The following ZSWIM5 variants were observed in gnomAD, a reference collection of about 807,000 sequenced individuals.
The protein encoded by ZSWIM5 is zinc finger SWIM domain-containing protein 5.
In ZSWIM5, 55 loss-of-function variants were observed where a neutral mutation model predicts 119.6. That is an observed-to-expected ratio of 0.46 (90% CI 0.37 to 0.58). ZSWIM5 has a LOEUF of 0.58. Among genes scored for constraint, ZSWIM5 ranks in the 20% least tolerant of loss-of-function variants. The pLI is 0.00. For synonymous variants in ZSWIM5, 537 were observed against 606.9 expected (o/e 0.88, Z 1.69); for missense variants, 1,193 against 1,512.8 (o/e 0.79, Z 3.51).
intron 2 of ZSWIM5, among the ~76,000 whole-genome samples, chr1:45,084,934 G>A (rs1367597289): frequency 6.6e-6 from 1 of 152,232 alleles, no homozygotes; most frequent in Non-Finnish European, 1.5e-5. Context: ...CCAGTAGGCA[G>A]TGCTCCAGTG....
rs1009888729 is a variant in ZSWIM5 at position 45,047,192 on chromosome 1, G to C, written c.1433-3797C>G. On this transcript the variant is annotated intron_variant, in intron 5 of 13. Transcript: ENST00000359600. ...TGGAAGTCAAATGACAAAGTTTCAA[G>C]GAGAGTGTGACTAATGTGTCAAATA... Among the ~76,000 whole-genome samples the C allele has an allele frequency of 3.9e-5, 6 of 152,116 alleles. 1 individual carries two copies. Among genetic ancestry groups the C allele is most frequent in the African/African-American group, 1.4e-4 (6 of 41,410 alleles).
chr1:45,174,309 C>T (rs910776325), intron 1 of ZSWIM5, among the ~76,000 whole-genome samples: 20 of 151,980 alleles, frequency 1.3e-4, no homozygotes, highest in Admixed American at 2.6e-4. Context: ...AAAACTAAAA[C>T]ATTCAAAAGT....
At chr1:45,191,154 C>G (rs893228237) in intron 1 of ZSWIM5, among the ~76,000 whole-genome samples, 9 of 150,780 alleles carry the variant, frequency 6.0e-5, no homozygotes, top group African/African-American at 2.2e-4. Context: ...TCCGCCCGCT[C>G]CTTATCCTGA....
At chr1:45,062,376 T>G (rs967125751) in intron 2 of ZSWIM5, among the ~76,000 whole-genome samples, 1 of 152,234 alleles carries the variant, frequency 6.6e-6, no homozygotes, top group Non-Finnish European at 1.5e-5. Flanking sequence ...TATATCTTAT[T>G]CTCTAGGGAA....
chr1:45,140,397 T>C (rs1434249510), intron 1 of ZSWIM5, among the ~76,000 whole-genome samples: 1 of 152,228 alleles, frequency 6.6e-6, no homozygotes, highest in East Asian at 1.9e-4. Context: ...TGCTGACCTC[T>C]GGTATATACT....
intron 1 of ZSWIM5, among the ~76,000 whole-genome samples, chr1:45,101,681 C>T (rs908208619): frequency 5.9e-5 from 9 of 152,172 alleles, no homozygotes; most frequent in Non-Finnish European, 1.0e-4. Context: ...GAAAATGTGA[C>T]ACATATACAC....
intron 1 of ZSWIM5, among the ~76,000 whole-genome samples, chr1:45,129,241 C>T (rs1645640422): frequency 6.8e-6 from 1 of 146,350 alleles, no homozygotes; most frequent in African/African-American, 2.5e-5. Context: ...TCACTGCAAG[C>T]TCTGCCTCCT....
In ZSWIM5 at chr1:45,087,929, G is replaced by A. The variant is rs1325119619; in HGVS notation, c.904C>T (p.Leu302=). The A allele has an allele frequency of 1.2e-6, 2 of 1,613,776 alleles. No individual in the cohort carries two copies. The highest frequency in any genetic ancestry group is 2.2e-5 in the East Asian group (1 of 44,892). The change falls in exon 2 of 14, where the codon CTG becomes TTG. Residue 302 remains leucine, a synonymous_variant. Coordinates refer to ENST00000359600, the MANE Select transcript of ZSWIM5 (RefSeq NM_020883.2). ...TTGGAGGATAGAATCTCATCTGCCAGTTTCTGTGCAGTAGGAAGAACTTCA... is the reference window on the plus strand; with the variant it reads ...TTGGAGGATAGAATCTCATCTGCCAATTTCTGTGCAGTAGGAAGAACTTCA... ...HTEVLPTAQK[L]ADEILSSNSE...
intron 1 of ZSWIM5, among the ~76,000 whole-genome samples, chr1:45,152,910 A>T (rs1218019312): frequency 6.6e-6 from 1 of 151,994 alleles, no homozygotes; most frequent in African/African-American, 2.4e-5. Flanking sequence ...TTCAACAAAC[A>T]AAAAACAAAT....
chr1:45,197,872 G>A (rs1646135382), intron 1 of ZSWIM5, among the ~76,000 whole-genome samples: 1 of 152,194 alleles, frequency 6.6e-6, no homozygotes, highest in East Asian at 1.9e-4. Flanking sequence ...CAAATTTATG[G>A]TGAAGCTTGG....
chr1:45,110,391 C>G (rs1645509517), intron 1 of ZSWIM5, among the ~76,000 whole-genome samples: 1 of 152,150 alleles, frequency 6.6e-6, no homozygotes, highest in Admixed American at 6.5e-5. Flanking sequence ...CCATCTAATT[C>G]AGGTCTAGAT....
At chr1:45,028,686 A>G (rs1027436512) in intron 11 of ZSWIM5, among the ~76,000 whole-genome samples, 2 of 152,110 alleles carry the variant, frequency 1.3e-5, no homozygotes, top group East Asian at 3.8e-4. Flanking sequence ...AACTCCGGGC[A>G]CAGGGGTTGC....
chr1:45,152,671 C>T (rs983758945), intron 1 of ZSWIM5, among the ~76,000 whole-genome samples: 1 of 151,888 alleles, frequency 6.6e-6, no homozygotes, highest in Non-Finnish European at 1.5e-5. Flanking sequence ...ACCTAGAAAA[C>T]ACCATTCTGG....
intron 1 of ZSWIM5, among the ~76,000 whole-genome samples, chr1:45,202,088 A>G (rs909521645): frequency 2.0e-5 from 3 of 152,134 alleles, no homozygotes; most frequent in African/African-American, 7.2e-5. Flanking sequence ...GCTAAAAAGC[A>G]CACCCGCTTA....
chr1:45,052,600 T>A (rs543357924), intron 4 of ZSWIM5, among the ~76,000 whole-genome samples: 3 of 152,004 alleles, frequency 2.0e-5, no homozygotes, highest in East Asian at 3.9e-4. Context: ...TGAAACCCTG[T>A]CTCTCCCAAA....
Position 45,126,037 on chromosome 1 carries a change from C to T in ZSWIM5, c.596-37800G>A, listed in dbSNP as rs540078166. Reference sequence around the variant, plus strand: ...GAGCCTTGATTGCACCGCTGCACTCCAGCTTGGGTGACAGAGCGAGACCTT... The same window carrying T: ...GAGCCTTGATTGCACCGCTGCACTCTAGCTTGGGTGACAGAGCGAGACCTT... On this transcript the variant is annotated intron_variant, in intron 1 of 13. Transcript: ENST00000359600. Among the ~76,000 whole-genome samples the T allele has an allele frequency of 7.9e-5, 12 of 151,864 alleles. No homozygotes were observed. In the South Asian group the frequency reaches 2.5e-3, roughly 32 times the overall value.
intron 2 of ZSWIM5, among the ~76,000 whole-genome samples, chr1:45,062,045 G>A (rs532558993): frequency 3.3e-5 from 5 of 152,174 alleles, no homozygotes; most frequent in South Asian, 4.1e-4. Flanking sequence ...AGCCGAGATC[G>A]TGCCACTGCA....
At chr1:45,181,304 C>T (rs1285006889) in intron 1 of ZSWIM5, among the ~76,000 whole-genome samples, 1 of 151,798 alleles carries the variant, frequency 6.6e-6, no homozygotes, top group East Asian at 1.9e-4. Flanking sequence ...CCTCAGGAGC[C>T]GATGCGATCA....
rs965814179 is a variant in ZSWIM5 at position 45,022,146 on chromosome 1, T to G, written c.2450-1358A>C. 1.3e-4 allele frequency among the ~76,000 whole-genome samples: 19 copies of G among 143,866 alleles called. No individual in the cohort carries two copies. In the East Asian group the frequency reaches 3.3e-3, roughly 25 times the overall value. 94.4% of individuals were successfully genotyped at this position (143,866 alleles called of 152,430 possible). A position where few individuals can be genotyped will look rare whatever the true frequency, so the allele number is the denominator to read the frequency against. The stretch of plus-strand genomic sequence containing the variant: ...TTTATTTTATTTTATTTTATTTTTT[T>G]TTGAGACGGAGTCTCGTGCTGTTGC... On this transcript the variant is annotated intron_variant, in intron 11 of 13. Transcript: ENST00000359600.
Sources: gnomAD v4.1 joint callset for allele counts (sites outside exome capture counted in the v4.1 genomes callset) on GRCh38, gnomAD v4.1.1 for gene constraint, MANE v1.5 for transcripts, NCBI Gene and HGNC (gene_info 2026-07-23, HGNC 2026-07-21) for gene names.